IPO11: variants seen among roughly 807,000 people sequenced by gnomAD.
IPO11 encodes importin 11.
IPO11 carries 66 observed loss-of-function variants against 143.2 expected under a neutral mutation model. That is an observed-to-expected ratio of 0.46 (90% CI 0.38 to 0.57). IPO11 has a LOEUF of 0.57. Ranked by LOEUF, IPO11 falls within the 20% of genes least tolerant of loss-of-function variation. IPO11 has a pLI of 0.00. For synonymous variants in IPO11, 385 were observed against 377.8 expected (o/e 1.02, Z -0.22); for missense variants, 1,026 against 1,141.0 (o/e 0.90, Z 1.45).
At chr5:62,450,042 G>A (rs1489427426) in intron 4 of IPO11, 43 bp downstream of exon 4, 1 of 1,279,332 alleles carries the variant, frequency 7.8e-7, no homozygotes. Flanking sequence ...TATTTGTACT[G>A]CTTTTCCAAA....
intron 29 of IPO11, among the ~76,000 whole-genome samples, 197 bp downstream of exon 29, chr5:62,602,045 C>A (rs867235587): frequency 3.9e-5 from 6 of 152,122 alleles, no homozygotes; most frequent in South Asian, 2.1e-4. Context: ...AACTTTTCAT[C>A]TGAAATAACT....
chr5:62,433,064 C>T (rs1178736084), intron 1 of IPO11, among the ~76,000 whole-genome samples: 1 of 151,780 alleles, frequency 6.6e-6, no homozygotes, highest in Non-Finnish European at 1.5e-5. Flanking sequence ...TTACCCATGC[C>T]TGAATAAATT....
chr5:62,599,087 A>G (rs975657272), intron 28 of IPO11, among the ~76,000 whole-genome samples: 1 of 152,198 alleles, frequency 6.6e-6, no homozygotes, highest in South Asian at 2.1e-4. Context: ...CTTGTGAGAC[A>G]TGCAGATTCT....
At chr5:62,520,519 CCCA>C (rs1339706069) in intron 20 of IPO11, among the ~76,000 whole-genome samples, 4 of 152,108 alleles carry the variant, frequency 2.6e-5, no homozygotes, top group African/African-American at 4.8e-5. Flanking sequence ...GTTATCCCTC[CCCA>C]CTCCCCTGAC....
intron 2 of IPO11, among the ~76,000 whole-genome samples, chr5:62,439,193 C>T (rs1478457661): frequency 1.3e-5 from 2 of 151,310 alleles, no homozygotes; most frequent in African/African-American, 4.9e-5. Flanking sequence ...ATTTTAATTA[C>T]TGCTGGACCT....
At chr5:62,557,208 A>G (rs1047708659) in intron 26 of IPO11, among the ~76,000 whole-genome samples, 2 of 151,314 alleles carry the variant, frequency 1.3e-5, no homozygotes, top group Non-Finnish European at 2.9e-5. Context: ...TTTGAGACGG[A>G]GTTTCAATCT....
At chr5:62,541,060 C>T (rs1369649676) in intron 24 of IPO11, among the ~76,000 whole-genome samples, 1 of 152,162 alleles carries the variant, frequency 6.6e-6, no homozygotes, top group Non-Finnish European at 1.5e-5. Context: ...TCAGCTGGCT[C>T]TTTAAAATAA....
In IPO11 at chr5:62,536,626, A is replaced by G. The variant is rs759055508; in HGVS notation, c.2090-76A>G. ...GTATGCAAATTAGTTTTAAATAACT[A>G]TGAATCACTTCATTTAAACTAATTT... is the stretch of plus-strand genomic sequence containing the variant. On this transcript the variant is annotated intron_variant, in intron 22 of 29. Transcript: ENST00000325324. The G allele has an allele frequency of 7.1e-5, 106 of 1,493,472 alleles. 1 individual carries two copies. The highest frequency in any genetic ancestry group is 2.3e-4 in the Admixed American group (9 of 39,964). The allele number at this position is 1,493,472 out of a possible 1,614,324, so 92.5% of individuals were successfully genotyped here.
intron 29 of IPO11, among the ~76,000 whole-genome samples, chr5:62,603,013 C>T (rs547794247): frequency 1.8e-3 from 268 of 152,222 alleles, no homozygotes; most frequent in African/African-American, 6.3e-3. Flanking sequence ...AATGTTTGTA[C>T]ATATAATAAG....
intron 16 of IPO11, 50 bp from the exon 17 acceptor site, chr5:62,504,617 T>A: frequency 9.1e-7 from 1 of 1,097,816 alleles, no homozygotes; most frequent in Non-Finnish European, 1.3e-6. Flanking sequence ...ATATTAATGA[T>A]GTTTAGTCAT....
At chr5:62,469,281 C>T (rs1008702225) in intron 6 of IPO11, among the ~76,000 whole-genome samples, 4 of 152,084 alleles carry the variant, frequency 2.6e-5, no homozygotes, top group African/African-American at 7.2e-5. Flanking sequence ...CTTACTGCAT[C>T]GTTATGATGC....
intron 2 of IPO11, among the ~76,000 whole-genome samples, chr5:62,441,387 G>T (rs1457113146): frequency 1.3e-5 from 2 of 150,962 alleles, no homozygotes; most frequent in Admixed American, 1.3e-4. Flanking sequence ...TATAGAAACG[G>T]GATTTCTCCA....
At chr5:62,505,764 A>C (rs936062536) in intron 18 of IPO11, among the ~76,000 whole-genome samples, 2 of 152,094 alleles carry the variant, frequency 1.3e-5, no homozygotes, top group African/African-American at 4.8e-5. Flanking sequence ...TATCTATAAA[A>C]ATATATATTT....
chr5:62,613,291 T>C (rs1370629758), intron 29 of IPO11, among the ~76,000 whole-genome samples: 1 of 136,222 alleles, frequency 7.3e-6, no homozygotes, highest in South Asian at 2.5e-4. Context: ...CTATTCCACA[T>C]GCTCTTCTTT....
At chr5:62,418,860 G>C (rs1743390050) in intron 1 of IPO11, 1 of 783,218 alleles carries the variant, frequency 1.3e-6, no homozygotes, top group Non-Finnish European at 1.9e-6. Flanking sequence ...ATTCTTATAT[G>C]CCTGTGCAGG....
intron 24 of IPO11, among the ~76,000 whole-genome samples, chr5:62,538,688 T>C (rs1360187476): frequency 6.6e-6 from 1 of 152,216 alleles, no homozygotes; most frequent in African/African-American, 2.4e-5. Context: ...GGCAGTTCTT[T>C]ATAGCAGTAT....
At chr5:62,455,805 A>G (rs1189488158) in intron 5 of IPO11, among the ~76,000 whole-genome samples, 2 of 151,770 alleles carry the variant, frequency 1.3e-5, no homozygotes. Context: ...GCTCACTACA[A>G]CCTTTGCTTC....
At chr5:62,575,649 A>C (rs541983695) in intron 27 of IPO11, among the ~76,000 whole-genome samples, 17 of 152,118 alleles carry the variant, frequency 1.1e-4, no homozygotes, top group Non-Finnish European at 2.5e-4. Context: ...TTATGTATGC[A>C]TCTCTCGTTA....
chr5:62,602,672 C>G (rs1376387172), intron 29 of IPO11, among the ~76,000 whole-genome samples: 2 of 152,170 alleles, frequency 1.3e-5, no homozygotes, highest in Non-Finnish European at 2.9e-5. Context: ...TCTCAAGGGC[C>G]TAATCCTTAG....
Sources: gnomAD v4.1 joint callset for allele counts (sites outside exome capture counted in the v4.1 genomes callset) on GRCh38, gnomAD v4.1.1 for gene constraint, MANE v1.5 for transcripts, NCBI Gene and HGNC (gene_info 2026-07-23, HGNC 2026-07-21) for gene names.